ANO1: variants seen among roughly 807,000 people sequenced by gnomAD.
ANO1 encodes the protein anoctamin 1.
A neutral mutation model predicts 124.0 loss-of-function variants in ANO1; 59 were observed. The ratio of observed to expected loss-of-function variants is 0.48; its 90% CI spans 0.39 to 0.59. The LOEUF (loss-of-function observed/expected upper bound fraction) is 0.59. ANO1 is among the 20% of genes least tolerant of loss of function. The pLI is 0.00. For synonymous variants in ANO1, 529 were observed against 532.0 expected (o/e 0.99, Z 0.08); for missense variants, 1,059 against 1,328.0 (o/e 0.80, Z 3.15).
At chr11:69,997,173 A>C (rs1856286256) in intron 1 of ANO1, among the ~76,000 whole-genome samples, 1 of 152,210 alleles carries the variant, frequency 6.6e-6, no homozygotes, top group Admixed American at 6.5e-5. Flanking sequence ...TATTCACTGC[A>C]TCCACAGGAA....
chr11:70,026,066 G>GA (rs1856899552), intron 1 of ANO1, among the ~76,000 whole-genome samples: 1 of 141,532 alleles, frequency 7.1e-6, no homozygotes, highest in African/African-American at 2.7e-5. Flanking sequence ...TGATGATGAT[G>GA]TGGTGGTGGT....
rs777056281 is a variant in ANO1 at position 70,167,308 on chromosome 11, T to C, written c.2118T>C (p.Cys706=). The C allele has an allele frequency of 1.3e-4, 210 of 1,613,642 alleles. No individual in the cohort carries two copies. Among genetic ancestry groups the C allele is most frequent in the Non-Finnish European group, 1.7e-4 (201 of 1,179,854 alleles). The change falls in exon 21 of 26, where the codon TGT becomes TGC. Residue 706 remains cysteine (C), a synonymous_variant. Coordinates refer to ENST00000355303, the MANE Select transcript of ANO1 (RefSeq NM_018043.7). The part of the protein sequence containing the change: ...KQQSPPDHEE[C]VKRKQRYEVD... Reference sequence around the variant, plus strand: ...AGAGCCCCCCTGACCACGAGGAGTGTGTGAAGAGGAAACAGCGGTACGAGG... The same window carrying C: ...AGAGCCCCCCTGACCACGAGGAGTGCGTGAAGAGGAAACAGCGGTACGAGG...
chr11:70,032,377 G>A (rs1395033039), intron 1 of ANO1, among the ~76,000 whole-genome samples: 1 of 152,146 alleles, frequency 6.6e-6, no homozygotes, highest in Non-Finnish European at 1.5e-5. Flanking sequence ...GGTGCCCCTG[G>A]GAGAAGCTGG....
chr11:70,166,245 G>A (rs2048249212), intron 20 of ANO1, among the ~76,000 whole-genome samples: 2 of 152,200 alleles, frequency 1.3e-5, no homozygotes, highest in South Asian at 4.1e-4. Flanking sequence ...TTGAACCCAG[G>A]AGGTGGAGGT....
At chr11:69,968,844 G>T in the ANO1 span, among the ~76,000 whole-genome samples, 1 of 152,214 alleles carries the variant, frequency 6.6e-6, no homozygotes, top group Admixed American at 6.5e-5. Context: ...TACACAGCCC[G>T]CGGACTTTGG....
chr11:70,114,123 C>A (rs1443204432), intron 7 of ANO1, among the ~76,000 whole-genome samples: 1 of 152,236 alleles, frequency 6.6e-6, no homozygotes, highest in Non-Finnish European at 1.5e-5. Context: ...CAGACAATCT[C>A]CTCTTTCAAA....
intron 6 of ANO1, chr11:70,111,014 A>G: frequency 2.4e-6 from 1 of 410,070 alleles, no homozygotes; most frequent in Non-Finnish European, 4.9e-6. Flanking sequence ...CTCCAGGAGC[A>G]CTGGACGGCT....
upstream of ANO1, among the ~76,000 whole-genome samples, chr11:70,076,059 C>T (rs1243254347): frequency 6.6e-6 from 1 of 152,226 alleles, no homozygotes; most frequent in Non-Finnish European, 1.5e-5. Flanking sequence ...GCTGCATTTC[C>T]TCTGCCCTTG....
At chr11:70,134,792 T>C (rs2046890551) in intron 11 of ANO1, among the ~76,000 whole-genome samples, 1 of 152,110 alleles carries the variant, frequency 6.6e-6, no homozygotes, top group Admixed American at 6.5e-5. Flanking sequence ...GAAGCAAACC[T>C]GATGTATCCG....
chr11:70,086,452 G>A (rs1590689320), intron 1 of ANO1, among the ~76,000 whole-genome samples: 1 of 152,276 alleles, frequency 6.6e-6, no homozygotes, highest in East Asian at 1.9e-4. Flanking sequence ...AGGAAACTGA[G>A]GCAGGGCAGG....
At chr11:70,070,501 G>A (rs1857844880) in intron 1 of ANO1, among the ~76,000 whole-genome samples, 1 of 152,138 alleles carries the variant, frequency 6.6e-6, no homozygotes, top group Non-Finnish European at 1.5e-5. Context: ...TGACCAACAT[G>A]GTGAAACCCG....
chr11:70,116,519 C>T lies in ANO1; in HGVS notation c.897+20C>T. 3 of 1,582,902 alleles carry T rather than the reference C, an allele frequency of 1.9e-6. No homozygotes were observed. Among genetic ancestry groups the T allele is most frequent in the Non-Finnish European group, 1.7e-6 (2 of 1,164,624 alleles). ...AGAAAAGTAAGTTGATGGAGCGGAGCAGGAGGTGGCTCTGTCAGAGCCTGG... is the reference window on the plus strand; with the variant it reads ...AGAAAAGTAAGTTGATGGAGCGGAGTAGGAGGTGGCTCTGTCAGAGCCTGG... On this transcript the variant is annotated intron_variant, in intron 8 of 25. Transcript: ENST00000355303.
At chr11:70,058,341 G>A (rs1462519243) in intron 1 of ANO1, among the ~76,000 whole-genome samples, 3 of 152,132 alleles carry the variant, frequency 2.0e-5, no homozygotes, top group Non-Finnish European at 2.9e-5. Context: ...ATTGATTTAG[G>A]TAAAAACAAC....
At chr11:70,118,572 GGATA>G (rs1307926582) in intron 8 of ANO1, among the ~76,000 whole-genome samples, 1 of 112,046 alleles carries the variant, frequency 8.9e-6, no homozygotes, top group Non-Finnish European at 1.9e-5. Context: ...ATGGATGGAT[GGATA>G]GATGGATGGA....
chr11:70,164,689 C>T (rs1381625447), intron 19 of ANO1, among the ~76,000 whole-genome samples: 1 of 152,142 alleles, frequency 6.6e-6, no homozygotes, highest in Admixed American at 6.5e-5. Context: ...TGACTGTCAC[C>T]TGCTTGCCGG....
Position 70,124,404 on chromosome 11 carries a change from G to A in ANO1, c.952G>A (p.Asp318Asn), listed in dbSNP as rs778292650. Residue 318 changes from aspartate (D) to asparagine (N), a missense_variant, in exon 9 of 26, where the codon GAC becomes AAC. Around this residue, in one of 2 missense-constraint regions of ANO1, gnomAD observed 809 missense variants for 1,094.9 expected, o/e 0.74. Transcript: ENST00000355303. ...AGTTTTCTATAAGTACCAGCCCATC[G>A]ACCTGGTCAGGTAAGAACGCGCCAC... ...YGVFYKYQPI[D>N]LVRKYFGEKI... 6.2e-6 allele frequency: 10 copies of A among 1,613,758 alleles called. No individual in the cohort carries two copies. The highest frequency in any genetic ancestry group is 8.5e-6 in the Non-Finnish European group (10 of 1,179,864).
chr11:70,032,750 G>C (rs782412631), intron 1 of ANO1, among the ~76,000 whole-genome samples: 1 of 152,160 alleles, frequency 6.6e-6, no homozygotes, highest in Non-Finnish European at 1.5e-5. Context: ...AAGGAGAGCT[G>C]CCTTTTTTGT....
intron 1 of ANO1, among the ~76,000 whole-genome samples, chr11:70,067,301 A>AAGG (rs150775415): frequency 0.015 from 2,215 of 148,858 alleles, 50 homozygotes; most frequent in African/African-American, 0.051. Flanking sequence ...CAGCAGCTCC[A>AAGG]AGGGGACAAG....
chr11:70,153,637 T>C (rs1223388028), intron 14 of ANO1, among the ~76,000 whole-genome samples: 2 of 152,264 alleles, frequency 1.3e-5, no homozygotes, highest in Admixed American at 6.5e-5. Flanking sequence ...GCAATGTTCT[T>C]GAGGTCATCG....
Sources: gnomAD v4.1 joint callset for allele counts (sites outside exome capture counted in the v4.1 genomes callset) on GRCh38, gnomAD v4.1.1 for gene constraint, gnomAD v4.1.1 regional missense constraint, MANE v1.5 for transcripts, NCBI Gene and HGNC (gene_info 2026-07-23, HGNC 2026-07-21) for gene names.